CCDC40: variants seen among roughly 807,000 people sequenced by gnomAD.
CCDC40 encodes the protein coiled-coil domain 40 molecular ruler complex subunit.
CCDC40 carries 104 observed loss-of-function variants against 124.5 expected under a neutral mutation model. The observed-to-expected ratio is 0.84, with a 90% CI of 0.71 to 0.98. CCDC40 has a LOEUF of 0.98. Among genes scored for constraint, CCDC40 ranks in the 50% least tolerant of loss-of-function variants. The probability of loss-of-function intolerance (pLI) is 0.00; values close to 1 mark genes in which losing one functional copy is unlikely to be tolerated. For missense variants in CCDC40, 1,463 were observed against 1,503.9 expected (o/e 0.97, Z 0.45); for synonymous variants, 580 against 602.9 (o/e 0.96, Z 0.56).
intron 10 of CCDC40, among the ~76,000 whole-genome samples, chr17:80,073,327 A>G (rs2038237664): frequency 6.6e-6 from 1 of 152,128 alleles, no homozygotes; most frequent in Non-Finnish European, 1.5e-5. Context: ...CTCCGTGTGG[A>G]GCAAGTCCAC....
chr17:80,096,394 T>C (rs2038810582), intron 18 of CCDC40, among the ~76,000 whole-genome samples: 2 of 152,086 alleles, frequency 1.3e-5, no homozygotes, highest in South Asian at 4.1e-4. Context: ...ATGCATGGGC[T>C]GCTCATTTGG....
At chr17:80,057,821 A>T (rs991141430) in intron 7 of CCDC40, among the ~76,000 whole-genome samples, 25 of 151,584 alleles carry the variant, frequency 1.6e-4, no homozygotes, top group African/African-American at 6.1e-4. Flanking sequence ...GCTTGCAGTG[A>T]GTCGAGATCG....
In CCDC40 at chr17:80,042,339, C is replaced by T. The variant is rs149428965; in HGVS notation, c.552+2069C>T. Reference sequence around the variant, plus strand: ...TTCACCATGTTGGCCAGGCTGGTCTCGAACTCCTGCCCACAAATGATCTGC... The same window carrying T: ...TTCACCATGTTGGCCAGGCTGGTCTTGAACTCCTGCCCACAAATGATCTGC... On this transcript the variant is annotated intron_variant, in intron 3 of 19. Transcript: ENST00000397545. Among the ~76,000 whole-genome samples the T allele has an allele frequency of 9.2e-4, 140 of 152,274 alleles. 1 individual carries two copies. Among genetic ancestry groups the T allele is most frequent in the African/African-American group, 3.1e-3 (127 of 41,554 alleles).
intron 17 of CCDC40, 189 bp downstream of exon 17, chr17:80,090,073 G>C (rs772073501): frequency 3.4e-5 from 52 of 1,536,842 alleles, no homozygotes; most frequent in Non-Finnish European, 8.7e-6. Context: ...CACTCCAGCC[G>C]AGCACTGGCA....
In CCDC40 at chr17:80,066,084, G is replaced by A; in HGVS notation, c.1562+478G>A. 1 of 702,974 alleles carries A rather than the reference G, an allele frequency of 1.4e-6. No individual in the cohort carries two copies. Among genetic ancestry groups the A allele is most frequent in the Non-Finnish European group, 2.6e-6 (1 of 384,990 alleles). The allele number at this position is 702,974 out of a possible 1,614,324, so 43.5% of individuals were successfully genotyped here. A position where few individuals can be genotyped will look rare whatever the true frequency, so the allele number is the denominator to read the frequency against. On this transcript the variant is annotated intron_variant, in intron 10 of 19. Coordinates refer to ENST00000397545, the MANE Select transcript of CCDC40 (RefSeq NM_017950.4). The surrounding 1 kb of genome is among the most constrained non-coding windows in gnomAD (Gnocchi z 4.4). The stretch of plus-strand genomic sequence containing the variant: ...GGATGGATGCGTGGCTCAGGGCAGG[G>A]CGTTGGAGACACAGGTGCTGCCTTC...
rs111550470 is a variant in CCDC40 at position 80,097,371 on chromosome 17, G to T, written c.3148G>T (p.Asp1050Tyr). Residue 1050 changes from aspartate to tyrosine, a missense_variant, in exon 19 of 20, where the codon GAC (aspartate) becomes TAC (tyrosine). Coordinates refer to ENST00000397545, the MANE Select transcript of CCDC40 (RefSeq NM_017950.4). Reference sequence around the variant, plus strand: ...GGCAGACTTCGACACACTCGAGGCCGACCTCACCCGGCTTGGGGCCCTCAA... The same window carrying T: ...GGCAGACTTCGACACACTCGAGGCCTACCTCACCCGGCTTGGGGCCCTCAA... ...IQADFDTLEA[D>Y]LTRLGALKRQ... 6.2e-6 allele frequency: 10 copies of T among 1,613,996 alleles called. No individual in the cohort carries two copies. The highest frequency in any genetic ancestry group is 6.8e-6 in the Non-Finnish European group (8 of 1,180,030).
rs773201310 is a variant in CCDC40, at chr17:80,084,856, C to T, written c.2103C>T (p.Asp701=). The change falls in exon 13 of 20, where the codon GAC becomes GAT. Residue 701 remains aspartate (D), a synonymous_variant. Transcript: ENST00000397545. ...HQKTLVELDQ[D]VKKVNELITN... ...AGACCCTGGTGGAGCTGGACCAGGA[C>T]GTGAAGAAAGTCAACGAGCTCATCA... The T allele has an allele frequency of 8.1e-6, 13 of 1,614,136 alleles. No individual in the cohort carries two copies. The highest frequency in any genetic ancestry group is 6.7e-5 in the Admixed American group (4 of 60,024).
At position 80,040,446 on chromosome 17, in the gene CCDC40, A is replaced by C. The variant is rs2037248455; in HGVS notation, c.552+176A>C. On this transcript the variant is annotated intron_variant, in intron 3 of 19. Transcript: ENST00000397545. ...GTAATCCCAGCACTTTGGGAGGCGA[A>C]GGTGGGTGGGTCACCTGAGGTCAGG... The C allele has an allele frequency of 5.9e-6, 4 of 672,358 alleles. No individual in the cohort carries two copies. The Admixed American group carries it at 1.0e-4, about 17-fold the overall frequency. The allele number at this position is 672,358 out of a possible 1,614,324, so 41.6% of individuals were successfully genotyped here.
intron 12 of CCDC40, 64 bp downstream of exon 12, chr17:80,082,122 G>A: frequency 6.7e-7 from 1 of 1,499,554 alleles, no homozygotes; most frequent in Non-Finnish European, 9.3e-7. Flanking sequence ...ATGAGGGCAA[G>A]CCGTCCTGGA....
intron 3 of CCDC40, among the ~76,000 whole-genome samples, chr17:80,045,253 C>G (rs1021068922): frequency 3.0e-4 from 45 of 152,178 alleles, no homozygotes; most frequent in African/African-American, 1.1e-3. Flanking sequence ...TGACTAGAAC[C>G]TGACTTGTGG....
At chr17:80,055,526 CAG>C (rs1290788677) in intron 7 of CCDC40, among the ~76,000 whole-genome samples, 1 of 152,008 alleles carries the variant, frequency 6.6e-6, no homozygotes, top group Non-Finnish European at 1.5e-5. Flanking sequence ...GGTCATAAAA[CAG>C]ATTTAAATAA....
rs1050541363 is a variant in CCDC40, at chr17:80,038,554, C to T, written c.93+368C>T. Among the ~76,000 whole-genome samples, 63 of 151,954 alleles carry T rather than the reference C, an allele frequency of 4.1e-4. 1 individual carries two copies. Among genetic ancestry groups the T allele is most frequent in the African/African-American group, 1.3e-3 (53 of 41,450 alleles). On this transcript the variant is annotated intron_variant, in intron 2 of 19. Coordinates refer to ENST00000397545, the MANE Select transcript of CCDC40 (RefSeq NM_017950.4). ...CAAAAATAAATAAATAGGCCGGGCA[C>T]GGTGACTCACGCCTGTAATTCCAGC...
chr17:80,097,547 C>A, intron 19 of CCDC40, 144 bp downstream of exon 19: 1 of 733,052 alleles, frequency 1.4e-6, no homozygotes, highest in Non-Finnish European at 2.3e-6. Flanking sequence ...AATAGCACCA[C>A]CGGCTGCTCA....
Position 80,046,556 on chromosome 17 carries a change from T to TAATAATAATAATAATAAA in CCDC40, c.553-721_553-720insTAATAATAATAATAAAAA, listed in dbSNP as rs1482898475. ...TCAATAATAATAATAATAATAATAA[T>TAATAATAATAATAATAAA]AAAAGAGTGGTTTCTGCGTGTCTGC... is the stretch of plus-strand genomic sequence containing the variant. On this transcript the variant is annotated intron_variant, in intron 3 of 19. Transcript: ENST00000397545. 2.0e-3 allele frequency among the ~76,000 whole-genome samples: 307 copies of TAATAATAATAATAATAAA among 151,328 alleles called. 2 individuals are homozygous for TAATAATAATAATAATAAA. Among genetic ancestry groups the TAATAATAATAATAATAAA allele is most frequent in the African/African-American group, 7.4e-3 (302 of 41,056 alleles).
chr17:80,088,104 T>C lies in CCDC40; in HGVS notation c.2711+2T>C. 8 of 1,608,234 alleles carry C rather than the reference T, an allele frequency of 5.0e-6. No individual in the cohort carries two copies. The highest frequency in any genetic ancestry group is 6.8e-6 in the Non-Finnish European group (8 of 1,174,948). ...CCTGAATCAACTGGTGGAAGCAGAGTGAGTCCCAGTCTCCAGCCACACGTG... is the reference window on the plus strand; with the variant it reads ...CCTGAATCAACTGGTGGAAGCAGAGCGAGTCCCAGTCTCCAGCCACACGTG... On this transcript the variant is annotated splice_donor_variant, in intron 16 of 19. Coordinates refer to ENST00000397545, the MANE Select transcript of CCDC40 (RefSeq NM_017950.4). LOFTEE classifies it high-confidence loss of function.
At chr17:80,044,704 A>ATATATATATATATATATATATAT (rs1485851817) in intron 3 of CCDC40, among the ~76,000 whole-genome samples, 8 of 37,210 alleles carry the variant, frequency 2.1e-4, no homozygotes, top group South Asian at 7.1e-4. Flanking sequence ...AAAACAAACA[A>ATATATATATATATATATATATAT]ACAAAAAAAA....
rs546804044 is a variant in CCDC40, at chr17:80,056,216, G to A, written c.1160-2278G>A. On this transcript the variant is annotated intron_variant, in intron 7 of 19. Transcript: ENST00000397545. ...AAGTCACAAGGGTGTGTGTGTATGT[G>A]TATCTCTCTCTCTCTCTTTAACTTA... 2.9e-4 allele frequency among the ~76,000 whole-genome samples: 44 copies of A among 150,776 alleles called. No homozygotes were observed. The South Asian group carries it at 8.2e-3, about 28-fold the overall frequency.
At chr17:80,094,824 C>G (rs2038778969) in intron 17 of CCDC40, among the ~76,000 whole-genome samples, 1 of 152,206 alleles carries the variant, frequency 6.6e-6, no homozygotes, top group Non-Finnish European at 1.5e-5. Flanking sequence ...GCAGCCAATC[C>G]TCACGCTACA....
intron 4 of CCDC40, among the ~76,000 whole-genome samples, chr17:80,047,877 G>A (rs1261474485): frequency 1.1e-4 from 16 of 152,166 alleles, no homozygotes; most frequent in Admixed American, 1.0e-3. Context: ...GACGTGGGAG[G>A]GCAGATCAGG....
Sources: gnomAD v4.1 joint callset for allele counts (sites outside exome capture counted in the v4.1 genomes callset) on GRCh38, gnomAD v4.1.1 for gene constraint, Gnocchi (gnomAD v3.1) non-coding constraint, MANE v1.5 for transcripts, NCBI Gene and HGNC (gene_info 2026-07-23, HGNC 2026-07-21) for gene names.